Variants in SNRPN observed in about 807,000 individuals in gnomAD.
The protein encoded by SNRPN is small nuclear ribonucleoprotein polypeptide N.
SNRPN carries 7 observed loss-of-function variants against 25.2 expected under a neutral mutation model. The observed-to-expected ratio is 0.28, with a 90% confidence interval of 0.16 to 0.52. The LOEUF is 0.52. SNRPN is among the 20% of genes least tolerant of loss of function. The probability of loss-of-function intolerance (pLI) is 0.96; values close to 1 mark genes in which losing one functional copy is unlikely to be tolerated. For missense variants in SNRPN, 196 were observed against 322.5 expected (o/e 0.61, Z 3.00); for synonymous variants, 124 against 110.6 (o/e 1.12, Z -0.76).
chr15:24,931,077 A>T (rs1406182907), intron 3 of SNRPN, among the ~76,000 whole-genome samples: 2 of 152,024 alleles, frequency 1.3e-5, no homozygotes, highest in Non-Finnish European at 2.9e-5. Flanking sequence ...GCTTTAATAA[A>T]TTCTATAAAA....
intron 3 of SNRPN, among the ~76,000 whole-genome samples, chr15:24,922,667 G>T (rs1483105758): frequency 6.6e-6 from 1 of 151,754 alleles, no homozygotes; most frequent in Non-Finnish European, 1.5e-5. Flanking sequence ...GTATTTTTTT[G>T]TCTTTTCCAC....
intron 1 of SNRPN, among the ~76,000 whole-genome samples, chr15:24,956,023 G>A (rs1030035011): frequency 6.6e-6 from 1 of 152,064 alleles, no homozygotes; most frequent in African/African-American, 2.4e-5. Flanking sequence ...TGGTGGTGGT[G>A]CTTTTTTATT....
chr15:24,911,265 T>G (rs913385603), intron 2 of SNRPN: 2 of 420,790 alleles, frequency 4.8e-6, no homozygotes, highest in African/African-American at 4.1e-5. Flanking sequence ...CAAAACCAAC[T>G]GTGTGGCCAA....
chr15:24,886,610 A>G (rs966840304), intron 2 of SNRPN: 9 of 152,058 alleles, frequency 5.9e-5, no homozygotes, highest in African/African-American at 2.2e-4. Context: ...TCCCTGTTCC[A>G]CTTATGTTCC....
At chr15:24,870,957 T>G (rs542950188) in intron 1 of SNRPN, among the ~76,000 whole-genome samples, 1 of 152,044 alleles carries the variant, frequency 6.6e-6, no homozygotes, top group East Asian at 1.9e-4. Context: ...CTTGGCTCAC[T>G]GCAGCCTCCG....
intron 2 of SNRPN, among the ~76,000 whole-genome samples, chr15:24,887,288 C>A (rs1242895745): frequency 6.6e-6 from 1 of 151,870 alleles, no homozygotes; most frequent in Non-Finnish European, 1.5e-5. Flanking sequence ...GCTGGGATTA[C>A]AGGCATGCGC....
At chr15:24,908,623 A>G (rs2059009322) in intron 2 of SNRPN, among the ~76,000 whole-genome samples, 1 of 152,170 alleles carries the variant, frequency 6.6e-6, no homozygotes, top group African/African-American at 2.4e-5. Flanking sequence ...TCTGGGAAAG[A>G]AGGGAGTTTA....
At chr15:24,902,168 G>A (rs1196720006) in intron 2 of SNRPN, among the ~76,000 whole-genome samples, 2 of 152,162 alleles carry the variant, frequency 1.3e-5, no homozygotes, top group African/African-American at 4.8e-5. Flanking sequence ...GGTAGATGGA[G>A]AGGTGAATGA....
rs533510150 is a variant in SNRPN, at chr15:24,957,083, C to G, written c.-391+2021C>G. 1.5e-4 allele frequency among the ~76,000 whole-genome samples: 23 copies of G among 152,210 alleles called. No homozygotes were observed. In the South Asian group the frequency reaches 4.6e-3, roughly 30 times the overall value. ...CTATTTTCAAACTGGACTTGTTAAC[C>G]CCTTTTTTTTAACTCCCTGTAGTCT... On this transcript the variant is annotated intron_variant, in intron 1 of 9. Coordinates refer to ENST00000390687, the MANE Select transcript of SNRPN (RefSeq NM_003097.6).
At chr15:24,922,830 T>C (rs1406275666) in intron 3 of SNRPN, among the ~76,000 whole-genome samples, 4 of 150,380 alleles carry the variant, frequency 2.7e-5, no homozygotes, top group Admixed American at 6.7e-5. Flanking sequence ...CATATCACTA[T>C]AGGTATACAG....
At chr15:24,829,285 C>T (rs888115469) in intron 1 of SNRPN, among the ~76,000 whole-genome samples, 1 of 152,036 alleles carries the variant, frequency 6.6e-6, no homozygotes, top group Non-Finnish European at 1.5e-5. Flanking sequence ...GCCCAGAGGG[C>T]AAGTTTCAGG....
intron 3 of SNRPN, among the ~76,000 whole-genome samples, chr15:24,943,188 C>T (rs1329202311): frequency 6.6e-6 from 1 of 152,144 alleles, no homozygotes; most frequent in Non-Finnish European, 1.5e-5. Flanking sequence ...AATTGTATAT[C>T]TGGCCATATG....
chr15:24,865,128 C>A (rs1191131087), intron 1 of SNRPN, among the ~76,000 whole-genome samples: 3 of 150,916 alleles, frequency 2.0e-5, no homozygotes, highest in Non-Finnish European at 4.4e-5. Flanking sequence ...CTCACTGCAA[C>A]CTCTGCCTCC....
intron 2 of SNRPN, among the ~76,000 whole-genome samples, chr15:24,836,557 G>A (rs140360217): frequency 0.013 from 1,964 of 151,848 alleles, 60 homozygotes; most frequent in African/African-American, 0.045. Context: ...GACTATAGGC[G>A]CCCACCACCA....
chr15:24,933,141 C>G (rs967401160), intron 3 of SNRPN, among the ~76,000 whole-genome samples: 1 of 152,092 alleles, frequency 6.6e-6, no homozygotes, highest in Non-Finnish European at 1.5e-5. Context: ...TGCTGATAGT[C>G]CTAGCTACTT....
chr15:24,952,554 T>C (rs1256544665), upstream of SNRPN, among the ~76,000 whole-genome samples: 1 of 152,108 alleles, frequency 6.6e-6, no homozygotes, highest in Non-Finnish European at 1.5e-5. Context: ...AGATTTTCTG[T>C]AAAGCCCAGG....
At chr15:24,892,221 CTTACT>C (rs1225863173) in intron 2 of SNRPN, among the ~76,000 whole-genome samples, 1 of 152,146 alleles carries the variant, frequency 6.6e-6, no homozygotes. Flanking sequence ...AGCCTTGGTA[CTTACT>C]TTTGGAGGAC....
intron 3 of SNRPN, among the ~76,000 whole-genome samples, chr15:24,922,240 A>G (rs2060073613): frequency 2.6e-5 from 4 of 152,258 alleles, no homozygotes; most frequent in Non-Finnish European, 1.5e-5. Context: ...AAAGCCATAC[A>G]AAAAGGCTAA....
At chr15:24,975,101 G>T in intron 4 of SNRPN, 1 of 637,886 alleles carries the variant, frequency 1.6e-6, no homozygotes, top group Admixed American at 2.5e-5. Context: ...TTTAGAGCAT[G>T]CATCGTCACA....
Sources: allele counts gnomAD v4.1 joint callset (sites outside exome capture counted in the v4.1 genomes callset), GRCh38; gene constraint gnomAD v4.1.1; transcripts MANE v1.5; gene names NCBI Gene and HGNC (gene_info 2026-07-23, HGNC 2026-07-21).